The following BIRC6 variants were observed in gnomAD, a reference collection of about 807,000 sequenced individuals.
BIRC6 encodes the protein baculoviral IAP repeat containing 6.
Under a neutral mutation model 503.3 loss-of-function variants are expected in BIRC6, and 98 were observed. That is an observed-to-expected ratio of 0.19 (90% CI 0.17 to 0.23). The LOEUF is 0.23. Ranked by LOEUF, BIRC6 falls within the 10% of genes least tolerant of loss-of-function variation. The probability of loss-of-function intolerance (pLI) is 1.00; values close to 1 mark genes in which losing one functional copy is unlikely to be tolerated. For missense variants in BIRC6, 5,360 were observed against 5,806.0 expected (o/e 0.92, Z 2.50); for synonymous variants, 2,240 against 2,078.7 (o/e 1.08, Z -2.11).
At chr2:32,446,619 A>T (rs1442635538) in intron 21 of BIRC6, among the ~76,000 whole-genome samples, 1 of 151,058 alleles carries the variant, frequency 6.6e-6, no homozygotes, top group African/African-American at 2.4e-5. Flanking sequence ...TTGCCAGCTT[A>T]TTGGAATCAC....
chr2:32,532,244 C>T (rs376848732), intron 61 of BIRC6: 46 of 526,272 alleles, frequency 8.7e-5, no homozygotes, highest in African/African-American at 5.0e-4. Flanking sequence ...CACAAACGGG[C>T]TGGCTTAAAA....
Position 32,575,148 on chromosome 2 carries a change from C to T in BIRC6, c.13145-8C>T, listed in dbSNP as rs780726186. On this transcript the variant is annotated splice_polypyrimidine_tract_variant and splice_region_variant and intron_variant, in intron 65 of 73. Transcript: ENST00000421745. ...CTCATTTTGTGCTTTTTCTTCTTCTCCTTATAGTTCTGGACATGGCAAGAC... is the reference window on the plus strand; with the variant it reads ...CTCATTTTGTGCTTTTTCTTCTTCTTCTTATAGTTCTGGACATGGCAAGAC... 1 of 1,613,502 alleles carries T rather than the reference C, an allele frequency of 6.2e-7. No individual in the cohort carries two copies. The highest frequency in any genetic ancestry group is 2.2e-5 in the East Asian group (1 of 44,866).
rs2054944354 is a variant in BIRC6, at chr2:32,515,624, C to G, written c.11203C>G (p.Gln3735Glu). 6.2e-7 allele frequency: 1 copy of G among 1,613,116 alleles called. No homozygotes were observed. The highest frequency in any genetic ancestry group is 8.5e-7 in the Non-Finnish European group (1 of 1,179,894). The part of the protein sequence containing the change: ...TSGSHNLGAQ[Q>E]TSARSASLSS... Reference sequence around the variant, plus strand: ...TGGAAGCCATAATTTAGGTGCACAACAGACCAGTGCAAGATCAGCTTCTCT... The same window carrying G: ...TGGAAGCCATAATTTAGGTGCACAAGAGACCAGTGCAAGATCAGCTTCTCT... Residue 3735 changes from glutamine (Q) to glutamate (E), a missense_variant, in exon 55 of 74, where the codon CAG (glutamine) becomes GAG (glutamate). Around this residue, in one of 16 missense-constraint regions of BIRC6, gnomAD observed 878 missense variants for 928.9 expected, o/e 0.95. Coordinates refer to ENST00000421745, the MANE Select transcript of BIRC6 (RefSeq NM_016252.4).
At chr2:32,419,151 G>A (rs955497615) in intron 10 of BIRC6, among the ~76,000 whole-genome samples, 6 of 152,146 alleles carry the variant, frequency 3.9e-5, no homozygotes, top group Non-Finnish European at 8.8e-5. Context: ...CATTTGAAAA[G>A]ATAATAACAA....
At chr2:32,607,203 C>T (rs963765171) in intron 71 of BIRC6, among the ~76,000 whole-genome samples, 3 of 151,590 alleles carry the variant, frequency 2.0e-5, no homozygotes, top group African/African-American at 7.3e-5. Context: ...CATCTATCTT[C>T]ATATCTATTA....
intron 60 of BIRC6, among the ~76,000 whole-genome samples, chr2:32,530,149 C>T (rs1042722249): frequency 1.8e-4 from 27 of 152,118 alleles, no homozygotes; most frequent in African/African-American, 5.8e-4. Flanking sequence ...AGTGGCATTT[C>T]TTGCATATAA....
chr2:32,381,616 T>C (rs1049720317), intron 3 of BIRC6, among the ~76,000 whole-genome samples: 5 of 144,780 alleles, frequency 3.5e-5, no homozygotes, highest in Admixed American at 3.4e-4. Context: ...TGTGATCTTA[T>C]CTCACTGCAA....
At position 32,611,456 on chromosome 2, in the gene BIRC6, C is replaced by A; in HGVS notation, c.14268C>A (p.His4756Gln). The change falls in exon 73 of 74, where the codon CAC becomes CAA. Residue 4756 changes from histidine (H) to glutamine (Q), a missense_variant. Transcript: ENST00000421745. ...NPSPCFKEVI[H>Q]KHFYLKRVEI... Reference sequence around the variant, plus strand: ...GTTTACTTTTTCTCAAGGTAATACACAAACATTTTTACTTGAAAAGAGTTG... The same window carrying A: ...GTTTACTTTTTCTCAAGGTAATACAAAAACATTTTTACTTGAAAAGAGTTG... The A allele has an allele frequency of 1.2e-6, 2 of 1,606,354 alleles. No homozygotes were observed. The highest frequency in any genetic ancestry group is 2.2e-5 in the East Asian group (1 of 44,612).
intron 2 of BIRC6, 107 bp from the exon 3 acceptor site, chr2:32,380,046 T>C: frequency 2.6e-6 from 2 of 756,374 alleles, no homozygotes; most frequent in Non-Finnish European, 4.1e-6. Flanking sequence ...ATAGTACCTG[T>C]CATAATCATT....
chr2:32,399,295 A>G (rs2040339566), intron 6 of BIRC6, among the ~76,000 whole-genome samples: 1 of 152,222 alleles, frequency 6.6e-6, no homozygotes, highest in Non-Finnish European at 1.5e-5. Flanking sequence ...CATGTTGGCC[A>G]GGCTGGTCTG....
At chr2:32,471,182 G>A (rs2049053190) in intron 32 of BIRC6, 58 bp downstream of exon 32, 2 of 1,537,178 alleles carry the variant, frequency 1.3e-6, no homozygotes, top group Admixed American at 2.0e-5. Context: ...TATGTTGGTG[G>A]GGATTTTGAG....
At chr2:32,521,766 C>A (rs2055747413) in intron 57 of BIRC6, among the ~76,000 whole-genome samples, 1 of 152,092 alleles carries the variant, frequency 6.6e-6, no homozygotes, top group East Asian at 1.9e-4. Context: ...AGGCATGAGC[C>A]ACCACATCAG....
intron 43 of BIRC6, among the ~76,000 whole-genome samples, chr2:32,490,664 C>T (rs1210084843): frequency 2.0e-5 from 3 of 151,822 alleles, no homozygotes; most frequent in Admixed American, 6.6e-5. Flanking sequence ...ATATTTTTTA[C>T]CTTTTAAAAA....
chr2:32,419,951 C>A (rs2042763776), intron 10 of BIRC6, among the ~76,000 whole-genome samples: 1 of 152,136 alleles, frequency 6.6e-6, no homozygotes, highest in Non-Finnish European at 1.5e-5. Context: ...TTGTTTACAT[C>A]CATGGAGATC....
chr2:32,394,503 C>A (rs1467843945), intron 5 of BIRC6, among the ~76,000 whole-genome samples: 1 of 151,798 alleles, frequency 6.6e-6, no homozygotes, highest in African/African-American at 2.4e-5. Flanking sequence ...TTTTACTTGC[C>A]CTTCTTGTTC....
At chr2:32,607,026 AT>A (rs936561178) in intron 71 of BIRC6, among the ~76,000 whole-genome samples, 4 of 151,622 alleles carry the variant, frequency 2.6e-5, no homozygotes, top group Non-Finnish European at 2.9e-5. Context: ...AAAAAAAAAA[AT>A]AGTACATGGC....
intron 1 of BIRC6, among the ~76,000 whole-genome samples, chr2:32,358,565 C>T (rs560858336): frequency 1.3e-5 from 2 of 152,296 alleles, no homozygotes; most frequent in East Asian, 1.9e-4. Flanking sequence ...GTAATGTATA[C>T]AACTGTCTGC....
intron 49 of BIRC6, among the ~76,000 whole-genome samples, chr2:32,504,652 G>A (rs1439471828): frequency 2.0e-5 from 3 of 151,944 alleles, no homozygotes; most frequent in African/African-American, 4.8e-5. Context: ...GGGCGACAGA[G>A]CGAGACTCCA....
chr2:32,436,955 C>G (rs1248000549), intron 15 of BIRC6, among the ~76,000 whole-genome samples: 3 of 137,682 alleles, frequency 2.2e-5, no homozygotes, highest in African/African-American at 8.2e-5. Context: ...GTTCTGTTAT[C>G]TCAGCTTGCT....
Sources: gnomAD v4.1 joint callset for allele counts (sites outside exome capture counted in the v4.1 genomes callset) on GRCh38, gnomAD v4.1.1 for gene constraint, gnomAD v4.1.1 regional missense constraint, MANE v1.5 for transcripts, NCBI Gene and HGNC (gene_info 2026-07-23, HGNC 2026-07-21) for gene names.